SFMBT2: variants seen among roughly 807,000 people sequenced by gnomAD.
SFMBT2 encodes scm-like with four MBT domains protein 2.
A neutral mutation model predicts 110.1 loss-of-function variants in SFMBT2; 38 were observed. That is an observed-to-expected ratio of 0.35 (90% CI 0.27 to 0.45). The LOEUF (loss-of-function observed/expected upper bound fraction) is 0.45. Ranked by LOEUF, SFMBT2 falls within the 20% of genes least tolerant of loss-of-function variation. The pLI is 1.00. For synonymous variants in SFMBT2, 425 were observed against 425.4 expected (o/e 1.00, Z 0.01); for missense variants, 1,011 against 1,094.9 (o/e 0.92, Z 1.08).
intron 4 of SFMBT2, among the ~76,000 whole-genome samples, chr10:7,344,523 A>C (rs746652689): frequency 2.0e-5 from 3 of 152,180 alleles, no homozygotes; most frequent in Non-Finnish European, 2.9e-5. Flanking sequence ...TTGTGAGTCC[A>C]TTAAACCCTT....
At chr10:7,351,163 G>T (rs1316618182) in intron 4 of SFMBT2, among the ~76,000 whole-genome samples, 1 of 152,196 alleles carries the variant, frequency 6.6e-6, no homozygotes, top group Non-Finnish European at 1.5e-5. Context: ...TCTGAATGTG[G>T]TAGGATTTGA....
chr10:7,358,132 C>T (rs1844580787), intron 4 of SFMBT2, among the ~76,000 whole-genome samples: 1 of 151,902 alleles, frequency 6.6e-6, no homozygotes, highest in Admixed American at 6.5e-5. Flanking sequence ...TCTGCATGGC[C>T]CTGTGACATC....
chr10:7,340,125 C>T (rs1033102858), intron 4 of SFMBT2, among the ~76,000 whole-genome samples: 19 of 152,244 alleles, frequency 1.2e-4, no homozygotes, highest in African/African-American at 4.6e-4. Flanking sequence ...GGATTTGTTA[C>T]GCTTGTATGT....
Position 7,277,034 on chromosome 10 carries a change from T to C in SFMBT2, c.773-45A>G, listed in dbSNP as rs11255069. 509 of 832,296 alleles carry C rather than the reference T, an allele frequency of 6.1e-4. 4 individuals carry two copies. The East Asian group carries it at 0.011, about 18-fold the overall frequency. 51.6% of individuals were successfully genotyped at this position (832,296 alleles called of 1,614,324 possible). On this transcript the variant is annotated intron_variant, in intron 6 of 20. Transcript: ENST00000397167. ...CAGAAGAGTTGAAGGACTAACACGT[T>C]CTGCCGGGTGACTCTTTCCTGCATG...
intron 15 of SFMBT2, among the ~76,000 whole-genome samples, chr10:7,197,056 C>T (rs548030622): frequency 2.6e-4 from 39 of 152,076 alleles, no homozygotes; most frequent in Non-Finnish European, 4.9e-4. Context: ...CTTACCATTA[C>T]CTCCCGTGTG....
In SFMBT2 at chr10:7,171,676, G is replaced by A; in HGVS notation, c.2415+219C>T. On this transcript the variant is annotated intron_variant, in intron 19 of 20. Transcript: ENST00000397167. The surrounding 1 kb of genome is among the most constrained non-coding windows in gnomAD (Gnocchi z 4.9). The stretch of plus-strand genomic sequence containing the variant: ...TGGCACTAAAGCCGTCCAGGAAAGA[G>A]GCGCTGTCTCCACCCTGGGCACTCC... 1.3e-6 allele frequency: 1 copy of A among 755,252 alleles called. No individual in the cohort carries two copies. Among genetic ancestry groups the A allele is most frequent in the Non-Finnish European group, 1.6e-6 (1 of 619,908 alleles). The allele number at this position is 755,252 out of a possible 1,614,324, so 46.8% of individuals were successfully genotyped here.
chr10:7,232,802 G>C (rs1840143472), intron 9 of SFMBT2, among the ~76,000 whole-genome samples: 1 of 152,062 alleles, frequency 6.6e-6, no homozygotes, highest in Non-Finnish European at 1.5e-5. Flanking sequence ...CAGAATCTTT[G>C]CCCTATTTTA....
chr10:7,201,988 G>A (rs1030581227), intron 13 of SFMBT2, among the ~76,000 whole-genome samples: 5 of 152,188 alleles, frequency 3.3e-5, no homozygotes, highest in Admixed American at 2.0e-4. Flanking sequence ...TTACAAGCCA[G>A]GGCACTGAGG....
chr10:7,400,587 G>A (rs556141015), intron 1 of SFMBT2, among the ~76,000 whole-genome samples: 123 of 152,248 alleles, frequency 8.1e-4, no homozygotes, highest in African/African-American at 2.8e-3. Context: ...GCACAGGCTT[G>A]GCAGGGATTA....
intron 4 of SFMBT2, among the ~76,000 whole-genome samples, chr10:7,290,122 T>C (rs1184978471): frequency 1.3e-5 from 2 of 152,096 alleles, no homozygotes; most frequent in East Asian, 1.9e-4. Flanking sequence ...GCATCAAAGA[T>C]GAACGCTACG....
In SFMBT2 at chr10:7,171,968, C is replaced by A; in HGVS notation, c.2342G>T (p.Gly781Val). The A allele has an allele frequency of 6.6e-7, 1 of 1,507,368 alleles. No individual in the cohort carries two copies. The highest frequency in any genetic ancestry group is 8.8e-7 in the Non-Finnish European group (1 of 1,131,108). 93.4% of individuals were successfully genotyped at this position (1,507,368 alleles called of 1,614,324 possible). A position where few individuals can be genotyped will look rare whatever the true frequency, so the allele number is the denominator to read the frequency against. Residue 781 changes from glycine to valine, a missense_variant, in exon 19 of 21, where the codon GGC becomes GTC. Coordinates refer to ENST00000397167, the MANE Select transcript of SFMBT2 (RefSeq NM_001387889.1). The surrounding 1 kb of genome is among the most constrained non-coding windows in gnomAD (Gnocchi z 4.9). The part of the protein sequence containing the change: ...RRPPPERTRR[G>V]RGAPAASSAE... The stretch of plus-strand genomic sequence containing the variant: ...TGAGGAGGCAGCCGGCGCCCCGCGG[C>A]CCCTTCGTGTCCTCTCTGGGGGTGG...
At chr10:7,388,473 TCA>T (rs1195860879) in intron 1 of SFMBT2, among the ~76,000 whole-genome samples, 1 of 150,124 alleles carries the variant, frequency 6.7e-6, no homozygotes, top group Non-Finnish European at 1.5e-5. Context: ...TTCTCCTGCC[TCA>T]GTCTCCCGAG....
At chr10:7,305,633 G>A (rs551863035) in intron 4 of SFMBT2, among the ~76,000 whole-genome samples, 5 of 152,292 alleles carry the variant, frequency 3.3e-5, no homozygotes, top group Admixed American at 1.3e-4. Flanking sequence ...TGAAATCAAC[G>A]GGAAAACCAG....
intron 9 of SFMBT2, among the ~76,000 whole-genome samples, chr10:7,238,670 T>A (rs74117282): frequency 0.051 from 7,810 of 152,270 alleles, 403 homozygotes; most frequent in African/African-American, 0.13. Flanking sequence ...CAAATCAAAG[T>A]GCTAACGTAA....
At chr10:7,242,051 A>G (rs1429980224) in intron 9 of SFMBT2, among the ~76,000 whole-genome samples, 1 of 152,236 alleles carries the variant, frequency 6.6e-6, no homozygotes, top group Non-Finnish European at 1.5e-5. Context: ...TCCATGAGAA[A>G]AGTCCAAAGG....
intron 4 of SFMBT2, among the ~76,000 whole-genome samples, chr10:7,335,206 C>T (rs1453960994): frequency 2.6e-5 from 4 of 152,136 alleles, no homozygotes; most frequent in Non-Finnish European, 4.4e-5. Context: ...GAAAGCACTC[C>T]GGCCCATGGT....
At chr10:7,180,739 A>AG (rs202195954) in intron 16 of SFMBT2, among the ~76,000 whole-genome samples, 2,890 of 152,234 alleles carry the variant, frequency 0.019, 45 homozygotes, top group Admixed American at 0.047. Flanking sequence ...GGAGGGACGC[A>AG]GGGGGGAGGC....
chr10:7,225,992 G>T (rs1839887260), intron 10 of SFMBT2, among the ~76,000 whole-genome samples: 1 of 152,160 alleles, frequency 6.6e-6, no homozygotes, highest in African/African-American at 2.4e-5. Context: ...ACCAGCTGCA[G>T]TCCTCATGGG....
chr10:7,319,154 G>A (rs1257485877), intron 4 of SFMBT2, among the ~76,000 whole-genome samples: 1 of 152,176 alleles, frequency 6.6e-6, no homozygotes, highest in Admixed American at 6.5e-5. Flanking sequence ...AGGCAAAGCA[G>A]TCAACATGCA....
Sources: allele counts gnomAD v4.1 joint callset (sites outside exome capture counted in the v4.1 genomes callset), GRCh38; gene constraint gnomAD v4.1.1; non-coding constraint Gnocchi (gnomAD v3.1); transcripts MANE v1.5; gene names NCBI Gene and HGNC (gene_info 2026-07-23, HGNC 2026-07-21).